The following USP48 variants were observed in gnomAD, a reference collection of about 807,000 sequenced individuals.
The protein encoded by USP48 is ubiquitin specific peptidase 48, also known as ubiquitin carboxyl-terminal hydrolase 48.
In USP48, 43 loss-of-function variants were observed where a neutral mutation model predicts 150.7. The ratio of observed to expected loss-of-function variants is 0.29; its 90% CI spans 0.22 to 0.37. USP48 has a LOEUF of 0.37. Among genes scored for constraint, USP48 ranks in the 10% least tolerant of loss-of-function variants. USP48 has a pLI of 1.00. For synonymous variants in USP48, 396 were observed against 425.9 expected (o/e 0.93, Z 0.86); for missense variants, 813 against 1,249.6 (o/e 0.65, Z 5.27).
chr1:21,695,139 C>T lies in USP48; in HGVS notation c.2810G>A (p.Arg937Gln), dbSNP rs2152505239. Residue 937 changes from arginine to glutamine, a missense_variant, in exon 23 of 27, where the codon CGA (arginine) becomes CAA (glutamine). Coordinates refer to ENST00000308271, the MANE Select transcript of USP48 (RefSeq NM_032236.8). ...YQKQVIRRSM[R>Q]HRKVRGEKAL... The stretch of plus-strand genomic sequence containing the variant: ...TTTCTCACCACGAACTTTTCTATGT[C>T]GCATACTTCGGCGAATAACTTGCTT... The T allele has an allele frequency of 1.2e-6, 2 of 1,613,572 alleles. No homozygotes were observed. Among genetic ancestry groups the T allele is most frequent in the Admixed American group, 1.7e-5 (1 of 59,874 alleles).
intron 9 of USP48, 83 bp downstream of exon 9, chr1:21,736,363 T>C (rs1315416324): frequency 1.5e-6 from 2 of 1,336,114 alleles, no homozygotes; most frequent in African/African-American, 1.5e-5. Flanking sequence ...CATAACAATC[T>C]TGAGCCATAA....
chr1:21,758,427 T>C (rs2097842249), intron 1 of USP48, among the ~76,000 whole-genome samples: 1 of 152,040 alleles, frequency 6.6e-6, no homozygotes, highest in South Asian at 2.1e-4. Flanking sequence ...ACTAATGAAA[T>C]TGGTTACCTA....
chr1:21,710,767 C>T (rs1339707856), intron 15 of USP48, among the ~76,000 whole-genome samples: 1 of 151,560 alleles, frequency 6.6e-6, no homozygotes, highest in Non-Finnish European at 1.5e-5. Context: ...CTTTAAGTGC[C>T]TCATGAAACA....
chr1:21,756,375 A>C (rs2097834760), intron 3 of USP48, among the ~76,000 whole-genome samples, 171 bp downstream of exon 3: 2 of 148,996 alleles, frequency 1.3e-5, no homozygotes, highest in Non-Finnish European at 3.0e-5. Context: ...CAGCTTCTCA[A>C]GAGGCTGAGG....
At chr1:21,747,850 G>C (rs1160144601) in intron 7 of USP48, among the ~76,000 whole-genome samples, 1 of 152,180 alleles carries the variant, frequency 6.6e-6, no homozygotes, top group East Asian at 1.9e-4. Context: ...TGGGATTACA[G>C]GCGTGAGCCA....
At chr1:21,715,931 C>A (rs1571831788) in intron 14 of USP48, among the ~76,000 whole-genome samples, 2 of 152,172 alleles carry the variant, frequency 1.3e-5, no homozygotes, top group Non-Finnish European at 2.9e-5. Flanking sequence ...TTCTAAGACC[C>A]TCAATGGATG....
chr1:21,749,661 G>A (rs2097804089), intron 6 of USP48, among the ~76,000 whole-genome samples: 2 of 151,760 alleles, frequency 1.3e-5, no homozygotes, highest in Admixed American at 1.3e-4. Context: ...GGGGTGCAGT[G>A]GTCCAATCAT....
intron 23 of USP48, among the ~76,000 whole-genome samples, chr1:21,694,590 A>AAAAC (rs2097617827): frequency 7.1e-6 from 1 of 140,128 alleles, no homozygotes; most frequent in Non-Finnish European, 1.6e-5. Flanking sequence ...AAAAAAAAAA[A>AAAAC]AAAAAAAAAA....
chr1:21,734,339 CAG>C (rs2097763872), intron 9 of USP48, among the ~76,000 whole-genome samples: 1 of 151,998 alleles, frequency 6.6e-6, no homozygotes, highest in Non-Finnish European at 1.5e-5. Context: ...TTCGAGGCTG[CAG>C]TGAGCCATGT....
At chr1:21,738,255 AC>A (rs1463109967) in intron 8 of USP48, among the ~76,000 whole-genome samples, 1 of 151,110 alleles carries the variant, frequency 6.6e-6, no homozygotes, top group Non-Finnish European at 1.5e-5. Flanking sequence ...ACGGGGTTTC[AC>A]CATGTTGGCC....
At chr1:21,691,621 CAAGACACTATCTCAA>C (rs1206036047) in intron 23 of USP48, among the ~76,000 whole-genome samples, 1 of 152,158 alleles carries the variant, frequency 6.6e-6, no homozygotes, top group Non-Finnish European at 1.5e-5. Flanking sequence ...GGCGAAAGAG[CAAGACACTATCTCAA>C]AAATAAATCA....
intron 1 of USP48, chr1:21,768,676 C>G (rs1410459981): frequency 1.3e-5 from 2 of 151,158 alleles, no homozygotes; most frequent in Admixed American, 1.3e-4. Flanking sequence ...CAAGCCCCAC[C>G]CCCCCTTTCC....
At chr1:21,681,264 T>C (rs1018681280) in intron 25 of USP48, 1 of 153,778 alleles carries the variant, frequency 6.5e-6, no homozygotes, top group African/African-American at 2.4e-5. Context: ...CATAATTTTA[T>C]TTACTTTTTT....
At chr1:21,695,925 C>T (rs1045452957) in intron 22 of USP48, among the ~76,000 whole-genome samples, 1 of 152,140 alleles carries the variant, frequency 6.6e-6, no homozygotes, top group Non-Finnish European at 1.5e-5. Flanking sequence ...GACTTTACCA[C>T]TTGTCCTAAT....
At chr1:21,715,972 T>G (rs2152536007) in intron 14 of USP48, among the ~76,000 whole-genome samples, 1 of 152,322 alleles carries the variant, frequency 6.6e-6, no homozygotes, top group Admixed American at 6.5e-5. Flanking sequence ...TCAATAAACA[T>G]CCATTGGCAC....
chr1:21,762,561 G>A (rs2097852327), intron 1 of USP48, among the ~76,000 whole-genome samples: 1 of 152,100 alleles, frequency 6.6e-6, no homozygotes, highest in Non-Finnish European at 1.5e-5. Flanking sequence ...TCTTGGACAA[G>A]TGGGTGGTAA....
intron 23 of USP48, 44 bp downstream of exon 23, chr1:21,695,022 G>C: frequency 6.4e-7 from 1 of 1,557,140 alleles, no homozygotes; most frequent in Non-Finnish European, 8.7e-7. Flanking sequence ...ATTCATAAAG[G>C]CCCTTTTAAG....
chr1:21,775,872 G>A (rs184456217), intron 1 of USP48, among the ~76,000 whole-genome samples: 26 of 152,116 alleles, frequency 1.7e-4, no homozygotes, highest in African/African-American at 6.3e-4. Context: ...GTAAGACCCC[G>A]TCTCAAAAAC....
rs202023469 is a variant in USP48 at position 21,751,588 on chromosome 1, C to T, written c.693G>A (p.Lys231=). 7.4e-6 allele frequency: 12 copies of T among 1,613,896 alleles called. No homozygotes were observed. Among genetic ancestry groups the T allele is most frequent in the East Asian group, 6.7e-5 (3 of 44,826 alleles). The change falls in exon 6 of 27, where the codon AAG becomes AAA. Residue 231 remains lysine (K), a synonymous_variant. Transcript: ENST00000308271. The stretch of plus-strand genomic sequence containing the variant: ...CCAGCTCATAAAATTTTGACAAAAG[C>T]TTAGACTCTCTGCCACACTGGTTGC... ...TVCNQCGRES[K]LLSKFYELEL...
Sources: allele counts gnomAD v4.1 joint callset (sites outside exome capture counted in the v4.1 genomes callset), GRCh38; gene constraint gnomAD v4.1.1; transcripts MANE v1.5; gene names NCBI Gene and HGNC (gene_info 2026-07-23, HGNC 2026-07-21).